Variants in CHD4 observed in about 807,000 individuals in gnomAD.
CHD4 encodes the protein ATP-dependent chromatin remodeler CHD4.
CHD4 carries 35 observed loss-of-function variants against 235.5 expected under a neutral mutation model. The observed-to-expected ratio is 0.15, with a 90% CI of 0.11 to 0.20. The LOEUF (loss-of-function observed/expected upper bound fraction) is 0.20. Ranked by LOEUF, CHD4 falls within the 10% of genes least tolerant of loss-of-function variation. CHD4 has a pLI of 1.00. For missense variants in CHD4, 1,329 were observed against 2,432.3 expected (o/e 0.55, Z 9.54); for synonymous variants, 900 against 850.2 (o/e 1.06, Z -1.02).
chr12:6,582,971 T>C (rs766722943), intron 27 of CHD4, 35 bp from the exon 28 acceptor site: 2 of 1,609,276 alleles, frequency 1.2e-6, no homozygotes, highest in Non-Finnish European at 1.7e-6. Flanking sequence ...GTGACACAGG[T>C]AGGATATTAA....
chr12:6,585,984 C>A (rs1223033593), intron 25 of CHD4, among the ~76,000 whole-genome samples: 1 of 152,000 alleles, frequency 6.6e-6, no homozygotes, highest in Admixed American at 6.6e-5. Flanking sequence ...CCTGTAATCT[C>A]AGCTACTTGG....
At chr12:6,577,655 G>C (rs1188234439) in intron 37 of CHD4, 130 bp downstream of exon 37, 4 of 1,247,268 alleles carry the variant, frequency 3.2e-6, no homozygotes, top group African/African-American at 3.0e-5. Flanking sequence ...TAAGTTACTT[G>C]GGAGCAAAGC....
At chr12:6,581,197 A>C (rs1168147097) in intron 32 of CHD4, 24 bp from the exon 33 acceptor site, 1 of 1,610,792 alleles carries the variant, frequency 6.2e-7, no homozygotes. Flanking sequence ...AAAAACAAAA[A>C]CAAAACAGAT....
rs1192262534 is a variant in CHD4, at chr12:6,587,501, A to G, written c.3762T>C (p.Ile1254=). The change falls in exon 25 of 40, where the codon ATT becomes ATC. Residue 1254 remains isoleucine, a synonymous_variant. Transcript: ENST00000544040. ...SSVIHYDDKA[I]ERLLDRNQDE... is the part of the protein sequence containing the mutation. ...CCTGGTTACGGTCTAGCAGCCGTTC[A>G]ATGGCCTTATCATCGTAGTGGATAA... The G allele has an allele frequency of 6.2e-7, 1 of 1,614,186 alleles. No homozygotes were observed. Among genetic ancestry groups the G allele is most frequent in the East Asian group, 2.2e-5 (1 of 44,878 alleles).
rs367601246 is a variant in CHD4, at chr12:6,587,691, G to A, written c.3703+21C>T. ...GAGAGGCCAAGCCCCACACCAAAAC[G>A]TAAGTTCCTGACTACCTCACCTCCA... On this transcript the variant is annotated intron_variant, in intron 24 of 39. Transcript: ENST00000544040. 1.7e-5 allele frequency: 27 copies of A among 1,611,616 alleles called. No individual in the cohort carries two copies. The South Asian group carries it at 1.8e-4, about 10-fold the overall frequency.
intron 37 of CHD4, among the ~76,000 whole-genome samples, chr12:6,574,064 T>A (rs1273548119): frequency 6.6e-6 from 1 of 152,178 alleles, no homozygotes; most frequent in Non-Finnish European, 1.5e-5. Flanking sequence ...ATTTTTGTTT[T>A]TTATTTCCTC....
intron 39 of CHD4, 26 bp downstream of exon 39, chr12:6,570,843 T>C: frequency 6.2e-7 from 1 of 1,613,208 alleles, no homozygotes; most frequent in Non-Finnish European, 8.5e-7. Flanking sequence ...CAGGAAGAGG[T>C]GGTGTCAAGA....
At chr12:6,606,723 A>G (rs1451585060) in intron 1 of CHD4, 6 of 161,068 alleles carry the variant, frequency 3.7e-5, no homozygotes, top group African/African-American at 1.5e-4. Context: ...GCGGGGTGTG[A>G]CGGGGGAGGG....
chr12:6,579,084 G>T, intron 33 of CHD4, 167 bp from the exon 34 acceptor site: 1 of 592,184 alleles, frequency 1.7e-6, no homozygotes, highest in East Asian at 2.9e-5. Flanking sequence ...GGAGACAGCA[G>T]CAGGCAGATC....
chr12:6,578,982 T>C, intron 33 of CHD4, 65 bp from the exon 34 acceptor site: 1 of 1,463,644 alleles, frequency 6.8e-7, no homozygotes, highest in Non-Finnish European at 9.6e-7. Context: ...TTGCACACTA[T>C]TATCCAATTG....
rs141064180 is a variant in CHD4 at position 6,606,512 on chromosome 12, C to A, written c.-78-61G>T. On this transcript the variant is annotated intron_variant, in intron 1 of 39. Coordinates refer to ENST00000544040, the MANE Select transcript of CHD4 (RefSeq NM_001273.5). Reference sequence around the variant, plus strand: ...AGTGACGCGCACTGTCCCCCTCCCCCACACCCACCCGCTCTTTCCGCCCCC... The same window carrying A: ...AGTGACGCGCACTGTCCCCCTCCCCAACACCCACCCGCTCTTTCCGCCCCC... 1,134 of 524,198 alleles carry A rather than the reference C, an allele frequency of 2.2e-3. 7 individuals are homozygous for A. The highest frequency in any genetic ancestry group is 2.4e-3 in the Non-Finnish European group (721 of 300,422). The allele number at this position is 524,198 out of a possible 1,614,324, so 32.5% of individuals were successfully genotyped here. A position where few individuals can be genotyped will look rare whatever the true frequency, so the allele number is the denominator to read the frequency against.
intron 2 of CHD4, among the ~76,000 whole-genome samples, chr12:6,605,125 C>T (rs963925854): frequency 1.3e-5 from 2 of 152,074 alleles, no homozygotes; most frequent in African/African-American, 4.8e-5. Context: ...TAAAAAGTGC[C>T]AAATGTGAAA....
In CHD4 at chr12:6,602,267, C is replaced by T. The variant is rs575714918; in HGVS notation, c.223-92G>A. 4.4e-6 allele frequency: 7 copies of T among 1,595,264 alleles called. No homozygotes were observed. In the East Asian group the frequency reaches 1.6e-4, roughly 36 times the overall value. ...ACAGCCCTGAGGCTCATCCCCAGAA[C>T]ATGGCCCACCACTTCTGAGAAAGAA... On this transcript the variant is annotated intron_variant, in intron 3 of 39. Transcript: ENST00000544040.
Position 6,570,624 on chromosome 12 carries a change from G to GA in CHD4, c.*51dup. The stretch of plus-strand genomic sequence containing the variant: ...CCCCAGGGGAGAAGCTGGGACAAGA[G>GA]AAAGTGAGGAAGGTCACTGCTCAGC... On this transcript the variant is annotated 3_prime_UTR_variant, in exon 40 of 40. Coordinates refer to ENST00000544040, the MANE Select transcript of CHD4 (RefSeq NM_001273.5). 1 of 1,612,562 alleles carries GA rather than the reference G, an allele frequency of 6.2e-7. No homozygotes were observed.
intron 3 of CHD4, 93 bp from the exon 4 acceptor site, chr12:6,602,268 A>G: frequency 1.3e-6 from 2 of 1,591,938 alleles, no homozygotes; most frequent in South Asian, 2.2e-5. Flanking sequence ...TCCCCAGAAC[A>G]TGGCCCACCA....
In CHD4 at chr12:6,595,316, C is replaced by G. The variant is rs774312344; in HGVS notation, c.2121+18G>C. 26 of 1,606,486 alleles carry G rather than the reference C, an allele frequency of 1.6e-5. No individual in the cohort carries two copies. In the South Asian group the frequency reaches 2.9e-4, roughly 18 times the overall value. ...TTGTCCTACCCAACAAACTACAGTC[C>G]CTTCCACCCCCACTCACATCAACTG... On this transcript the variant is annotated intron_variant, in intron 14 of 39. Transcript: ENST00000544040.
Position 6,598,109 on chromosome 12 carries a change from G to A in CHD4, c.1687-10C>T, listed in dbSNP as rs1195571432. On this transcript the variant is annotated splice_polypyrimidine_tract_variant and intron_variant, in intron 11 of 39. Transcript: ENST00000544040. ...GACAGTGCAGCTCCAGCTTTGAGCG[G>A]AAAGAGAAAATCAGCCACCAAGAAG... The A allele has an allele frequency of 1.2e-6, 2 of 1,613,998 alleles. No individual in the cohort carries two copies. Among genetic ancestry groups the A allele is most frequent in the East Asian group, 2.2e-5 (1 of 44,876 alleles).
At chr12:6,588,008 T>G in intron 23 of CHD4, 59 bp from the exon 24 acceptor site, 1 of 1,504,748 alleles carries the variant, frequency 6.6e-7, no homozygotes, top group Non-Finnish European at 9.2e-7. Flanking sequence ...ACTCTTATCC[T>G]GACTTCCACA....
chr12:6,602,613 G>C (rs1457129493), intron 2 of CHD4, 116 bp from the exon 3 acceptor site: 1 of 1,310,306 alleles, frequency 7.6e-7, no homozygotes. Flanking sequence ...TTCCTCTGAA[G>C]AGAACTGCTA....
Sources: allele counts gnomAD v4.1 joint callset (sites outside exome capture counted in the v4.1 genomes callset), GRCh38; gene constraint gnomAD v4.1.1; transcripts MANE v1.5; gene names NCBI Gene and HGNC (gene_info 2026-07-23, HGNC 2026-07-21).